The following EML6 variants were observed in gnomAD, a reference collection of about 807,000 sequenced individuals.
EML6 encodes echinoderm microtubule-associated protein-like 6.
Under a neutral mutation model 240.1 loss-of-function variants are expected in EML6, and 154 were observed. That is an observed-to-expected ratio of 0.64 (90% CI 0.56 to 0.73). EML6 has a LOEUF of 0.73. Among genes scored for constraint, EML6 ranks in the 30% least tolerant of loss-of-function variants. EML6 has a pLI of 0.00. For missense variants in EML6, 2,964 were observed against 2,474.6 expected (o/e 1.20, Z -4.20); for synonymous variants, 1,148 against 899.0 (o/e 1.28, Z -4.95).
intron 14 of EML6, 86 bp downstream of exon 14, chr2:54,866,970 C>T (rs750556367): frequency 1.4e-6 from 1 of 726,594 alleles, no homozygotes; most frequent in Non-Finnish European, 2.4e-6. Flanking sequence ...TAAGGGATCC[C>T]CTCCCCTCAG....
chr2:54,856,653 A>C (rs182094862), intron 11 of EML6, among the ~76,000 whole-genome samples: 71 of 152,290 alleles, frequency 4.7e-4, no homozygotes, highest in African/African-American at 1.7e-3. Context: ...TGTGGCTAGA[A>C]CTTAGTGCAT....
At chr2:54,798,447 A>G (rs1460289272) in intron 2 of EML6, among the ~76,000 whole-genome samples, 5 of 152,206 alleles carry the variant, frequency 3.3e-5, no homozygotes, top group Non-Finnish European at 5.9e-5. Flanking sequence ...TGCTGGGATT[A>G]CAGGCGTGAG....
chr2:54,885,627 T>G (rs1042802902), intron 17 of EML6, among the ~76,000 whole-genome samples: 1 of 152,166 alleles, frequency 6.6e-6, no homozygotes, highest in Non-Finnish European at 1.5e-5. Flanking sequence ...CTTTTTTTCT[T>G]TTTTGATGGA....
At chr2:54,836,786 C>G (rs567146276) in intron 7 of EML6, among the ~76,000 whole-genome samples, 6 of 152,182 alleles carry the variant, frequency 3.9e-5, no homozygotes, top group Admixed American at 2.0e-4. Context: ...AGCAAGGGGC[C>G]CCACACTTCT....
rs2103757268 is a variant in EML6, at chr2:54,761,061, T to C, written c.197+35803T>C. On this transcript the variant is annotated intron_variant, in intron 2 of 41. Transcript: ENST00000356458. ...GGCATTTGAGAAACTAGATTTCAGC[T>C]TCTCTGCTTTATGGTTTTAATTCCA... Among the ~76,000 whole-genome samples, 3 of 152,270 alleles carry C rather than the reference T, an allele frequency of 2.0e-5. 1 individual carries two copies. Among genetic ancestry groups the C allele is most frequent in the East Asian group, 3.9e-4 (2 of 5,182 alleles).
In EML6 at chr2:54,858,551, C is replaced by G. The variant is rs549345968; in HGVS notation, c.1658-983C>G. 1.8e-4 allele frequency among the ~76,000 whole-genome samples: 27 copies of G among 152,306 alleles called. No individual in the cohort carries two copies. In the South Asian group the frequency reaches 5.0e-3, roughly 28 times the overall value. ...GAGCCAGTTTGACTTTATTACGAAA[C>G]TGATTTAGGTAACTCTTTGAAGTAG... On this transcript the variant is annotated intron_variant, in intron 11 of 41. Transcript: ENST00000356458.
At chr2:54,966,785 A>G (rs111444932) in intron 38 of EML6, 11 of 387,164 alleles carry the variant, frequency 2.8e-5, no homozygotes, top group African/African-American at 2.3e-4. Flanking sequence ...GACTCTGGAA[A>G]ATAGCGAGAA....
At chr2:54,895,252 A>G (rs1672701536) in intron 20 of EML6, 21 bp from the exon 21 acceptor site, 3 of 1,551,218 alleles carry the variant, frequency 1.9e-6, no homozygotes, top group African/African-American at 1.4e-5. Context: ...ATTGTGTTAA[A>G]TATACCATCC....
chr2:54,815,318 T>G (rs1018915767), intron 3 of EML6, among the ~76,000 whole-genome samples: 1 of 152,194 alleles, frequency 6.6e-6, no homozygotes, highest in African/African-American at 2.4e-5. Flanking sequence ...CCTGGCTTGT[T>G]GATGGCTATT....
At chr2:54,810,495 A>T (rs1369960288) in intron 2 of EML6, among the ~76,000 whole-genome samples, 1 of 152,244 alleles carries the variant, frequency 6.6e-6, no homozygotes, top group African/African-American at 2.4e-5. Context: ...TTGCTTCTGG[A>T]TGCTTCAGAA....
chr2:54,808,905 T>C (rs930113457), intron 2 of EML6, among the ~76,000 whole-genome samples: 1 of 152,244 alleles, frequency 6.6e-6, no homozygotes, highest in Non-Finnish European at 1.5e-5. Flanking sequence ...AAAGTCCTTC[T>C]CTGCAGTGCT....
In EML6 at chr2:54,960,322, G is replaced by A. The variant is rs763024284; in HGVS notation, c.4956G>A (p.Val1652=). The A allele has an allele frequency of 6.5e-6, 10 of 1,549,882 alleles. No individual in the cohort carries two copies. The South Asian group carries it at 1.2e-4, about 18-fold the overall frequency. Residue 1652 remains valine, a synonymous_variant, in exon 35 of 42, where the codon GTG becomes GTA. Coordinates refer to ENST00000356458, the MANE Select transcript of EML6 (RefSeq NM_001039753.4). ...TGQLVECVRS[V]CRGKGKILVG... ...AGCTGGTGGAGTGTGTGCGCTCCGT[G>A]TGCCGTGGAAAAGTGAGCACAGCCA...
intron 5 of EML6, among the ~76,000 whole-genome samples, chr2:54,825,497 A>C (rs1668542636): frequency 6.6e-6 from 1 of 152,260 alleles, no homozygotes; most frequent in East Asian, 1.9e-4. Context: ...TCCTGGGCTC[A>C]AGTGATCTCT....
intron 19 of EML6, 81 bp from the exon 20 acceptor site, chr2:54,894,834 C>G: frequency 1.2e-6 from 1 of 842,378 alleles, no homozygotes; most frequent in Non-Finnish European, 1.9e-6. Context: ...GCTTCCTTAC[C>G]TGCGGGGAAT....
Position 54,964,034 on chromosome 2 carries a change from T to TA in EML6, c.5207dup (p.Tyr1736Ter). The TA allele has an allele frequency of 6.4e-7, 1 of 1,551,718 alleles. No homozygotes were observed. The highest frequency in any genetic ancestry group is 8.7e-7 in the Non-Finnish European group (1 of 1,146,990). The part of the protein sequence containing the change: ...SLGHAARCAA[Y>*]SPDGEMVAIG... ...GGGCCATGCGGCCAGGTGTGCAGCC[T>TA]ACAGCCCTGATGGGGAGATGGTGGC... Residue 1736 changes from tyrosine to a stop codon, truncating the protein, a stop_gained and frameshift_variant, in exon 37 of 42, where the codon TAC becomes TAAC. Coordinates refer to ENST00000356458, the MANE Select transcript of EML6 (RefSeq NM_001039753.4). LOFTEE classifies it high-confidence loss of function.
At chr2:54,828,910 T>C (rs1328394620) in intron 6 of EML6, among the ~76,000 whole-genome samples, 2 of 152,248 alleles carry the variant, frequency 1.3e-5, no homozygotes, top group Non-Finnish European at 1.5e-5. Flanking sequence ...GAGGTACATT[T>C]TGGGCACTTT....
chr2:54,911,791 C>T (rs556484681), intron 25 of EML6, among the ~76,000 whole-genome samples: 1 of 152,188 alleles, frequency 6.6e-6, no homozygotes, highest in Non-Finnish European at 1.5e-5. Flanking sequence ...TGTATTGTAT[C>T]AAACTGTTTT....
chr2:54,907,563 T>A (rs921887322), intron 24 of EML6, among the ~76,000 whole-genome samples: 3 of 152,198 alleles, frequency 2.0e-5, no homozygotes, highest in African/African-American at 7.2e-5. Context: ...CATTCCCATT[T>A]TTGTTGCAGA....
Position 54,929,713 on chromosome 2 carries a change from TC to T in EML6, c.4004+964del, listed in dbSNP as rs1674753724. On this transcript the variant is annotated intron_variant, in intron 28 of 41. Transcript: ENST00000356458. ...TGTAACCTCCTCCTCCTCCTCCTCC[TC>T]CTCCTCCTCCTCCTGCTTAAATTCA... Among the ~76,000 whole-genome samples the T allele has an allele frequency of 1.1e-4, 16 of 151,956 alleles. No individual in the cohort carries two copies. In the South Asian group the frequency reaches 2.1e-3, roughly 20 times the overall value.
Sources: allele counts gnomAD v4.1 joint callset (sites outside exome capture counted in the v4.1 genomes callset), GRCh38; gene constraint gnomAD v4.1.1; transcripts MANE v1.5; gene names NCBI Gene and HGNC (gene_info 2026-07-23, HGNC 2026-07-21).